THSD4: variants seen among roughly 807,000 people sequenced by gnomAD.
THSD4 encodes the protein thrombospondin type 1 domain containing 4, also known as thrombospondin type-1 domain-containing protein 4.
A neutral mutation model predicts 119.0 loss-of-function variants in THSD4; 69 were observed. The observed-to-expected ratio is 0.58, with a 90% CI of 0.48 to 0.71. The LOEUF (loss-of-function observed/expected upper bound fraction) is 0.71. Ranked by LOEUF, THSD4 falls within the 30% of genes least tolerant of loss-of-function variation. THSD4 has a pLI of 0.00. For synonymous variants in THSD4, 524 were observed against 540.4 expected (o/e 0.97, Z 0.42); for missense variants, 1,393 against 1,391.1 (o/e 1.00, Z -0.02).
chr15:71,196,857 A>C (rs1266556827), intron 3 of THSD4, among the ~76,000 whole-genome samples: 1 of 152,186 alleles, frequency 6.6e-6, no homozygotes, highest in Non-Finnish European at 1.5e-5. Flanking sequence ...GGAAGATGGC[A>C]TCATGGTATG....
chr15:71,619,519 T>A lies in THSD4; in HGVS notation c.1153-41011T>A, dbSNP rs897382700. Reference sequence around the variant, plus strand: ...GTTATTTTCTCATTCAGTAGCCTGCTCCTAAGATTCCATAAATCCTTGCTG... The same window carrying A: ...GTTATTTTCTCATTCAGTAGCCTGCACCTAAGATTCCATAAATCCTTGCTG... On this transcript the variant is annotated intron_variant, in intron 7 of 17. Coordinates refer to ENST00000261862, the MANE Select transcript of THSD4 (RefSeq NM_024817.3). Among the ~76,000 whole-genome samples the A allele has an allele frequency of 8.5e-5, 13 of 152,186 alleles. 1 individual carries two copies. Among genetic ancestry groups the A allele is most frequent in the Admixed American group, 6.5e-4 (10 of 15,272 alleles).
chr15:71,771,682 G>T (rs1437938379), intron 17 of THSD4, among the ~76,000 whole-genome samples: 1 of 152,176 alleles, frequency 6.6e-6, no homozygotes, highest in Non-Finnish European at 1.5e-5. Context: ...AGTCCAGAGA[G>T]ATGCAGTGAC....
intron 7 of THSD4, among the ~76,000 whole-genome samples, chr15:71,516,333 G>C (rs1346934828): frequency 6.6e-6 from 1 of 152,106 alleles, no homozygotes. Flanking sequence ...GCAAATGCAA[G>C]GGTTGGAGTG....
At chr15:71,646,458 A>G (rs2050970033) in intron 7 of THSD4, among the ~76,000 whole-genome samples, 1 of 152,170 alleles carries the variant, frequency 6.6e-6, no homozygotes, top group Admixed American at 6.5e-5. Flanking sequence ...TTAAAAGTAT[A>G]TTCAGGCCAT....
chr15:71,221,600 T>C (rs542100423), intron 4 of THSD4, among the ~76,000 whole-genome samples: 1 of 152,358 alleles, frequency 6.6e-6, no homozygotes, highest in African/African-American at 2.4e-5. Context: ...GTTTATTCCA[T>C]ATTGTAGCAT....
intron 1 of THSD4, among the ~76,000 whole-genome samples, chr15:71,107,744 G>A (rs2040280266): frequency 6.6e-6 from 1 of 152,206 alleles, no homozygotes; most frequent in Non-Finnish European, 1.5e-5. Flanking sequence ...ACCAAGAACA[G>A]ACCAACTTCT....
intron 7 of THSD4, among the ~76,000 whole-genome samples, chr15:71,629,755 G>A (rs1014800331): frequency 6.6e-6 from 1 of 152,052 alleles, no homozygotes; most frequent in African/African-American, 2.4e-5. Context: ...TACCTCCCTT[G>A]CCCCCATCCC....
At chr15:71,722,121 C>T (rs1264063471) in intron 8 of THSD4, among the ~76,000 whole-genome samples, 1 of 152,190 alleles carries the variant, frequency 6.6e-6, no homozygotes, top group Admixed American at 6.5e-5. Context: ...CCAGGAGCCA[C>T]CTGCACCTTT....
intron 6 of THSD4, among the ~76,000 whole-genome samples, chr15:71,286,713 T>C (rs968173737): frequency 6.6e-6 from 1 of 152,208 alleles, no homozygotes; most frequent in Non-Finnish European, 1.5e-5. Flanking sequence ...CTTTAGGTCT[T>C]TGAGGAATTG....
At chr15:71,773,672 A>C (rs1167169764) in intron 17 of THSD4, among the ~76,000 whole-genome samples, 2 of 152,348 alleles carry the variant, frequency 1.3e-5, no homozygotes, top group East Asian at 3.9e-4. Context: ...CAGAGTTATG[A>C]CACACACTTC....
At chr15:71,765,220 T>G in intron 16 of THSD4, 21 bp downstream of exon 16, 1 of 1,609,424 alleles carries the variant, frequency 6.2e-7, no homozygotes, top group Non-Finnish European at 8.5e-7. Flanking sequence ...GTGCTCTTGA[T>G]GGAGGTTGCA....
intron 4 of THSD4, among the ~76,000 whole-genome samples, chr15:71,229,530 A>G (rs1286323023): frequency 6.6e-6 from 1 of 152,218 alleles, no homozygotes; most frequent in Non-Finnish European, 1.5e-5. Context: ...TACTTTGTAA[A>G]TAGTTGTACT....
chr15:71,531,188 C>A (rs1214698561), intron 7 of THSD4, among the ~76,000 whole-genome samples: 1 of 152,124 alleles, frequency 6.6e-6, no homozygotes, highest in Non-Finnish European at 1.5e-5. Flanking sequence ...GGGCTAGATC[C>A]TGCTGGGCTT....
chr15:71,294,411 C>T (rs990036958), intron 6 of THSD4, among the ~76,000 whole-genome samples: 3 of 152,160 alleles, frequency 2.0e-5, no homozygotes, highest in Admixed American at 6.5e-5. Flanking sequence ...TCCCTTCTTA[C>T]CTTCGCCCTC....
At position 71,444,326 on chromosome 15, in the gene THSD4, A is replaced by G. The variant is rs534280212; in HGVS notation, c.1152+32503A>G. On this transcript the variant is annotated intron_variant, in intron 7 of 17. Coordinates refer to ENST00000261862, the MANE Select transcript of THSD4 (RefSeq NM_024817.3). Reference sequence around the variant, plus strand: ...TATTGCAAATCACAAATTCTGAAGAACTCAGTGGAGAATTCTAAAGCATGG... The same window carrying G: ...TATTGCAAATCACAAATTCTGAAGAGCTCAGTGGAGAATTCTAAAGCATGG... Among the ~76,000 whole-genome samples, 11 of 152,292 alleles carry G rather than the reference A, an allele frequency of 7.2e-5. No individual in the cohort carries two copies. The South Asian group carries it at 1.0e-3, about 14-fold the overall frequency.
chr15:71,399,260 G>T (rs893613944), intron 6 of THSD4, among the ~76,000 whole-genome samples: 1 of 152,162 alleles, frequency 6.6e-6, no homozygotes, highest in African/African-American at 2.4e-5. Context: ...CTTGTCCTCC[G>T]TAGGCAAGGA....
chr15:71,524,877 G>T (rs1350674171), intron 7 of THSD4, among the ~76,000 whole-genome samples: 1 of 150,576 alleles, frequency 6.6e-6, no homozygotes, highest in Non-Finnish European at 1.5e-5. Flanking sequence ...CTCCCAAAGT[G>T]CTGGGATTAC....
chr15:71,706,479 A>G (rs2052394927), intron 8 of THSD4, among the ~76,000 whole-genome samples: 1 of 152,168 alleles, frequency 6.6e-6, no homozygotes, highest in Non-Finnish European at 1.5e-5. Flanking sequence ...AAAGATATAA[A>G]TTGTGGATAG....
At chr15:71,592,386 G>A (rs951284616) in intron 7 of THSD4, among the ~76,000 whole-genome samples, 2 of 152,174 alleles carry the variant, frequency 1.3e-5, no homozygotes, top group Admixed American at 6.5e-5. Flanking sequence ...CGTGTGCACA[G>A]CCACATGGCC....
Sources: gnomAD v4.1 joint callset for allele counts (sites outside exome capture counted in the v4.1 genomes callset) on GRCh38, gnomAD v4.1.1 for gene constraint, MANE v1.5 for transcripts, NCBI Gene and HGNC (gene_info 2026-07-23, HGNC 2026-07-21) for gene names.